The following MGAT4C variants were observed in gnomAD, a reference collection of about 807,000 sequenced individuals.
The protein encoded by MGAT4C is alpha-1,3-mannosyl-glycoprotein 4-beta-N-acetylglucosaminyltransferase C.
In MGAT4C, 19 loss-of-function variants were observed where a neutral mutation model predicts 40.1. The observed-to-expected ratio is 0.47, with a 90% confidence interval of 0.33 to 0.70. MGAT4C has a LOEUF of 0.70. Ranked by LOEUF, MGAT4C falls within the 30% of genes least tolerant of loss-of-function variation. MGAT4C has a pLI of 0.02. For missense variants in MGAT4C, 491 were observed against 563.2 expected, an observed-to-expected ratio of 0.87 and a Z score of 1.30; for synonymous variants, 181 against 187.1, an observed-to-expected ratio of 0.97 and a Z score of 0.27.
At chr12:86,099,784 G>T (rs1460628438) in intron 1 of MGAT4C, among the ~76,000 whole-genome samples, 1 of 151,168 alleles carries the variant, frequency 6.6e-6, no homozygotes, top group Non-Finnish European at 1.5e-5. Context: ...GTTTCTTCAG[G>T]ATATGTTGCA....
chr12:86,653,323 A>C (rs1331854799), intron 2 of MGAT4C, among the ~76,000 whole-genome samples: 1 of 151,864 alleles, frequency 6.6e-6, no homozygotes, highest in Non-Finnish European at 1.5e-5. Flanking sequence ...CGCTCACCTC[A>C]AAAAGCTTTT....
At chr12:86,077,001 C>CT (rs1869864233) in intron 1 of MGAT4C, among the ~76,000 whole-genome samples, 1 of 152,174 alleles carries the variant, frequency 6.6e-6, no homozygotes, top group African/African-American at 2.4e-5. Flanking sequence ...TCTCTTTTCA[C>CT]TTTTTTCTGC....
chr12:86,557,698 C>T (rs1051089429), intron 2 of MGAT4C, among the ~76,000 whole-genome samples: 21 of 152,120 alleles, frequency 1.4e-4, no homozygotes, highest in African/African-American at 5.1e-4. Context: ...CTGTAGTAAA[C>T]AAACACTATA....
intron 4 of MGAT4C, among the ~76,000 whole-genome samples, chr12:86,280,601 C>A (rs1361631323): frequency 6.6e-6 from 1 of 151,450 alleles, no homozygotes; most frequent in Non-Finnish European, 1.5e-5. Flanking sequence ...TTTTAAATTT[C>A]ATTATATAGA....
At chr12:86,169,979 A>G (rs1886635374) in intron 1 of MGAT4C, among the ~76,000 whole-genome samples, 1 of 152,216 alleles carries the variant, frequency 6.6e-6, no homozygotes, top group South Asian at 2.1e-4. Context: ...CAAACAAACA[A>G]AAAAGCATGT....
chr12:86,661,796 GGGCGTGGT>G (rs1164077700), intron 2 of MGAT4C, among the ~76,000 whole-genome samples: 5 of 151,914 alleles, frequency 3.3e-5, no homozygotes, highest in African/African-American at 1.2e-4. Context: ...AAAATTAGCC[GGGCGTGGT>G]GGTGTGTGCC....
intron 3 of MGAT4C, among the ~76,000 whole-genome samples, chr12:86,410,678 A>T (rs1956586313): frequency 6.6e-6 from 1 of 152,246 alleles, no homozygotes; most frequent in African/African-American, 2.4e-5. Context: ...AAGAGATTAA[A>T]GTAAAGACAG....
chr12:86,815,213 G>A (rs1952576039), intron 1 of MGAT4C, among the ~76,000 whole-genome samples: 1 of 151,958 alleles, frequency 6.6e-6, no homozygotes, highest in South Asian at 2.1e-4. Flanking sequence ...CTCAAAAGAA[G>A]ATATACAAAT....
intron 4 of MGAT4C, among the ~76,000 whole-genome samples, chr12:86,275,996 G>A (rs1434161744): frequency 7.0e-6 from 1 of 143,692 alleles, no homozygotes; most frequent in Non-Finnish European, 1.5e-5. Flanking sequence ...GGTGTTGGCC[G>A]CTTGTAGTCC....
intron 1 of MGAT4C, among the ~76,000 whole-genome samples, chr12:86,772,792 C>G (rs557569549): frequency 6.6e-6 from 1 of 152,264 alleles, no homozygotes; most frequent in South Asian, 2.1e-4. Flanking sequence ...AAACGTATAT[C>G]CAATTCCTAT....
chr12:86,016,169 T>TG (rs1292682846), intron 2 of MGAT4C: 2 of 152,214 alleles, frequency 1.3e-5, no homozygotes, highest in Non-Finnish European at 2.9e-5. Flanking sequence ...TGCACTCAAC[T>TG]GGGACAATCC....
chr12:86,310,533 T>G (rs1249037881), intron 4 of MGAT4C, among the ~76,000 whole-genome samples: 3 of 152,088 alleles, frequency 2.0e-5, no homozygotes, highest in Non-Finnish European at 2.9e-5. Context: ...AAAAAAAGTT[T>G]AAGTTAATGT....
chr12:86,335,821 G>A (rs533200450), intron 3 of MGAT4C, among the ~76,000 whole-genome samples: 28 of 152,130 alleles, frequency 1.8e-4, no homozygotes, highest in African/African-American at 6.7e-4. Context: ...GTCTACAAAT[G>A]TAATCATTTA....
intron 1 of MGAT4C, among the ~76,000 whole-genome samples, chr12:86,822,626 C>T (rs1202456337): frequency 6.6e-6 from 1 of 150,948 alleles, no homozygotes; most frequent in African/African-American, 2.4e-5. Flanking sequence ...AAAAGAGTTG[C>T]CAGGAAAATA....
At chr12:86,568,958 T>A (rs1003317048) in intron 2 of MGAT4C, among the ~76,000 whole-genome samples, 42 of 151,736 alleles carry the variant, frequency 2.8e-4, no homozygotes, top group African/African-American at 9.9e-4. Context: ...CTGAAAAAAA[T>A]TAAACTAAAA....
chr12:86,588,994 T>G (rs1279465347), intron 2 of MGAT4C, among the ~76,000 whole-genome samples: 2 of 149,666 alleles, frequency 1.3e-5, no homozygotes, highest in Non-Finnish European at 3.0e-5. Context: ...TTAAAAGAAC[T>G]AGAAAAGCAA....
intron 3 of MGAT4C, among the ~76,000 whole-genome samples, chr12:86,378,569 T>G (rs1354475911): frequency 3.9e-5 from 6 of 152,128 alleles, no homozygotes; most frequent in Admixed American, 6.5e-5. Flanking sequence ...CCAAGAATCA[T>G]GAGCTTAAAG....
At chr12:86,446,798 G>A (rs528704773) in intron 2 of MGAT4C, among the ~76,000 whole-genome samples, 1 of 148,244 alleles carries the variant, frequency 6.7e-6, no homozygotes, top group East Asian at 2.0e-4. Context: ...GCATACTATT[G>A]CCATGGCTCT....
intron 1 of MGAT4C, among the ~76,000 whole-genome samples, chr12:86,175,008 C>T (rs1887244342): frequency 6.6e-6 from 1 of 151,938 alleles, no homozygotes; most frequent in Admixed American, 6.6e-5. Context: ...CCATGTATAG[C>T]ATAAATTTCT....
Sources: gnomAD v4.1 joint callset for allele counts (sites outside exome capture counted in the v4.1 genomes callset) on GRCh38, gnomAD v4.1.1 for gene constraint, MANE v1.5 for transcripts, NCBI Gene and HGNC (gene_info 2026-07-23, HGNC 2026-07-21) for gene names.